PRKAR1B: variants seen among roughly 807,000 people sequenced by gnomAD.
The protein encoded by PRKAR1B is cAMP-dependent protein kinase type I-beta regulatory subunit.
In PRKAR1B, 22 loss-of-function variants were observed where a neutral mutation model predicts 46.5. The ratio of observed to expected loss-of-function variants is 0.47; its 90% CI spans 0.34 to 0.68. The LOEUF is 0.68. PRKAR1B is among the 30% of genes least tolerant of loss of function. The probability of loss-of-function intolerance (pLI) is 0.01; values close to 1 mark genes in which losing one functional copy is unlikely to be tolerated. For missense variants in PRKAR1B, 445 were observed against 535.6 expected (o/e 0.83, Z 1.67); for synonymous variants, 259 against 217.7 (o/e 1.19, Z -1.67).
chr7:616,463 AGT>A (rs1782829317), intron 4 of PRKAR1B, among the ~76,000 whole-genome samples: 1 of 152,230 alleles, frequency 6.6e-6, no homozygotes, highest in African/African-American at 2.4e-5. Flanking sequence ...GCTGGGAAAC[AGT>A]GATGGAGCCC....
intron 9 of PRKAR1B, among the ~76,000 whole-genome samples, chr7:564,891 T>C (rs765145334): frequency 7.2e-5 from 11 of 151,862 alleles, no homozygotes; most frequent in Non-Finnish European, 1.5e-4. Flanking sequence ...AGCCCAGGGG[T>C]ATTTTTCCAC....
At chr7:695,400 G>A (rs905303754) in intron 2 of PRKAR1B, among the ~76,000 whole-genome samples, 6 of 152,286 alleles carry the variant, frequency 3.9e-5, no homozygotes, top group Admixed American at 2.0e-4. Flanking sequence ...TCCTGGGGTC[G>A]GGGTGGAATC....
intron 9 of PRKAR1B, among the ~76,000 whole-genome samples, chr7:578,013 A>G (rs9330375): frequency 0.42 from 63,339 of 151,772 alleles, 13,815 homozygotes; most frequent in African/African-American, 0.48. Flanking sequence ...CCGGGTCATC[A>G]GACCACATTG....
At chr7:589,448 C>T (rs562860465) in intron 7 of PRKAR1B, among the ~76,000 whole-genome samples, 160 of 151,988 alleles carry the variant, frequency 1.1e-3, no homozygotes, top group African/African-American at 3.7e-3. Context: ...TCCTCCTCCT[C>T]CCAGAAGGTG....
rs184839644 is a variant in PRKAR1B, at chr7:709,354, T to C, written c.177+1975A>G. Among the ~76,000 whole-genome samples, 4 of 150,366 alleles carry C rather than the reference T, an allele frequency of 2.7e-5. No homozygotes were observed. In the East Asian group the frequency reaches 7.9e-4, roughly 30 times the overall value. ...GTGTGTATGCATGTGTGTATGCATGTGTGTGTGTATGTATTTCTTTTTTTT... is the reference window on the plus strand; with the variant it reads ...GTGTGTATGCATGTGTGTATGCATGCGTGTGTGTATGTATTTCTTTTTTTT... On this transcript the variant is annotated intron_variant, in intron 2 of 10. Coordinates refer to ENST00000537384, the MANE Select transcript of PRKAR1B (RefSeq NM_001164760.2).
Position 579,155 on chromosome 7 carries a change from A to G in PRKAR1B, c.891+101T>C, listed in dbSNP as rs546369267. 573 of 1,600,606 alleles carry G rather than the reference A, an allele frequency of 3.6e-4. 3 individuals are homozygous for G. The African/African-American group carries it at 7.0e-3, about 20-fold the overall frequency. On this transcript the variant is annotated intron_variant, in intron 9 of 10. Coordinates refer to ENST00000537384, the MANE Select transcript of PRKAR1B (RefSeq NM_001164760.2). ...GGCGTGCGGTCACAGGGCAGCACTG[A>G]CTCCAGAGGGAGGGTGAGGCGGGCA...
At chr7:605,715 T>C (rs1781995457) in intron 6 of PRKAR1B, among the ~76,000 whole-genome samples, 1 of 152,026 alleles carries the variant, frequency 6.6e-6, no homozygotes, top group Non-Finnish European at 1.5e-5. Flanking sequence ...GGCTGGGACG[T>C]TCCAAGCTGG....
intron 6 of PRKAR1B, among the ~76,000 whole-genome samples, chr7:598,732 A>C (rs1488033055): frequency 2.0e-5 from 3 of 152,216 alleles, no homozygotes; most frequent in African/African-American, 7.2e-5. Flanking sequence ...TGGACTCAGA[A>C]GATGTGAATC....
In PRKAR1B at chr7:631,368, C is replaced by T. The variant is rs145539182; in HGVS notation, c.441-23916G>A. ...CATGCCATAGACCTTACAGATACGG[C>T]ACCCTCAGGCCCAGACAGGGGTGGT... On this transcript the variant is annotated intron_variant, in intron 4 of 10. Coordinates refer to ENST00000537384, the MANE Select transcript of PRKAR1B (RefSeq NM_001164760.2). Among the ~76,000 whole-genome samples, 360 of 152,354 alleles carry T rather than the reference C, an allele frequency of 2.4e-3. 2 individuals carry two copies. The highest frequency in any genetic ancestry group is 8.3e-3 in the African/African-American group (347 of 41,586).
chr7:669,867 A>ATTTTTT (rs570284003), intron 4 of PRKAR1B, among the ~76,000 whole-genome samples: 10 of 131,438 alleles, frequency 7.6e-5, no homozygotes, highest in Non-Finnish European at 1.1e-4. Context: ...CACGTGCCAT[A>ATTTTTT]TTTTTTTTTT....
chr7:641,596 T>G (rs1321291548), intron 4 of PRKAR1B, among the ~76,000 whole-genome samples: 1 of 152,202 alleles, frequency 6.6e-6, no homozygotes, highest in Non-Finnish European at 1.5e-5. Flanking sequence ...CACAGGTCCA[T>G]GGCAGGGAGC....
At chr7:637,788 G>A (rs756860856) in intron 4 of PRKAR1B, among the ~76,000 whole-genome samples, 11 of 152,078 alleles carry the variant, frequency 7.2e-5, no homozygotes, top group Admixed American at 1.3e-4. Context: ...AGCCGAGATC[G>A]CACCACTGCA....
intron 2 of PRKAR1B, among the ~76,000 whole-genome samples, chr7:707,031 C>G (rs1375540366): frequency 6.6e-6 from 1 of 152,258 alleles, no homozygotes; most frequent in African/African-American, 2.4e-5. Flanking sequence ...CTTCCCGGTT[C>G]TATTGTAAAC....
At chr7:637,607 G>T (rs1249224392) in intron 4 of PRKAR1B, among the ~76,000 whole-genome samples, 1 of 152,078 alleles carries the variant, frequency 6.6e-6, no homozygotes, top group African/African-American at 2.4e-5. Flanking sequence ...GCCGAGGTGG[G>T]TGGATCACCT....
chr7:576,774 G>A (rs1779859035), intron 9 of PRKAR1B, among the ~76,000 whole-genome samples: 1 of 151,994 alleles, frequency 6.6e-6, no homozygotes, highest in Admixed American at 6.6e-5. Context: ...GAGCCGCAGT[G>A]GGAAGCACCG....
chr7:727,034 G>T, intron 1 of PRKAR1B, 176 bp downstream of exon 1: 5 of 1,131,018 alleles, frequency 4.4e-6, no homozygotes, highest in Non-Finnish European at 5.4e-6. Context: ...CTGGGCCTGC[G>T]CCGCGCCGCG....
chr7:671,751 A>T (rs898123579), intron 4 of PRKAR1B, among the ~76,000 whole-genome samples: 4 of 152,090 alleles, frequency 2.6e-5, no homozygotes, highest in African/African-American at 9.7e-5. Flanking sequence ...CTGTGGCCCC[A>T]GCACCCCCAC....
chr7:583,373 TCA>T (rs1171476416), intron 8 of PRKAR1B, among the ~76,000 whole-genome samples: 3 of 82,600 alleles, frequency 3.6e-5, no homozygotes, highest in Non-Finnish European at 5.1e-5. Context: ...ACACACCCAC[TCA>T]CACATGTGCA....
intron 7 of PRKAR1B, among the ~76,000 whole-genome samples, chr7:584,922 T>G (rs1445787366): frequency 6.6e-6 from 1 of 151,966 alleles, no homozygotes; most frequent in East Asian, 1.9e-4. Flanking sequence ...AGGGAGCTCA[T>G]AAACACATCT....
Sources: allele counts gnomAD v4.1 joint callset (sites outside exome capture counted in the v4.1 genomes callset), GRCh38; gene constraint gnomAD v4.1.1; transcripts MANE v1.5; gene names NCBI Gene and HGNC (gene_info 2026-07-23, HGNC 2026-07-21).